USP47: variants seen among roughly 807,000 people sequenced by gnomAD.
USP47 encodes the protein ubiquitin carboxyl-terminal hydrolase 47.
USP47 carries 35 observed loss-of-function variants against 165.1 expected under a neutral mutation model. That is an observed-to-expected ratio of 0.21 (90% confidence interval 0.16 to 0.28). USP47 has a LOEUF of 0.28. Ranked by LOEUF, USP47 falls within the 10% of genes least tolerant of loss-of-function variation. USP47 has a pLI of 1.00. For missense variants in USP47, 1,277 were observed against 1,607.4 expected (o/e 0.79, Z 3.52); for synonymous variants, 531 against 544.5 (o/e 0.98, Z 0.35).
At chr11:11,887,605 A>G (rs1341672786) in intron 3 of USP47, among the ~76,000 whole-genome samples, 1 of 152,220 alleles carries the variant, frequency 6.6e-6, no homozygotes, top group Non-Finnish European at 1.5e-5. Context: ...AAAGAGACTT[A>G]CACTCCCACA....
chr11:11,938,453 GATAC>G, intron 18 of USP47, 81 bp downstream of exon 18: 2 of 1,006,996 alleles, frequency 2.0e-6, no homozygotes, highest in Non-Finnish European at 3.0e-6. Context: ...TTATGAATAA[GATAC>G]ATGCTTTACC....
chr11:11,891,031 T>C (rs1333102551), intron 3 of USP47, among the ~76,000 whole-genome samples: 1 of 152,052 alleles, frequency 6.6e-6, no homozygotes, highest in Non-Finnish European at 1.5e-5. Context: ...TTAGGAAGAA[T>C]AGCTAAGGGA....
intron 1 of USP47, among the ~76,000 whole-genome samples, chr11:11,852,147 A>G (rs1004576341): frequency 6.6e-6 from 1 of 152,186 alleles, no homozygotes; most frequent in African/African-American, 2.4e-5. Context: ...ATTTCCCCCT[A>G]AATTTCTGCC....
intron 3 of USP47, among the ~76,000 whole-genome samples, chr11:11,889,366 C>G (rs545763136): frequency 1.3e-5 from 2 of 152,136 alleles, no homozygotes; most frequent in Non-Finnish European, 2.9e-5. Context: ...AGCAAAGTCT[C>G]AGGATACAAA....
At chr11:11,918,694 AT>A (rs1432378049) in intron 8 of USP47, among the ~76,000 whole-genome samples, 1 of 151,816 alleles carries the variant, frequency 6.6e-6, no homozygotes, top group South Asian at 2.1e-4. Flanking sequence ...CCAAGTTTTA[AT>A]TTTTTTTAAA....
chr11:11,914,761 A>G (rs1363248967), intron 8 of USP47, among the ~76,000 whole-genome samples: 2 of 152,220 alleles, frequency 1.3e-5, no homozygotes, highest in Non-Finnish European at 2.9e-5. Flanking sequence ...AAGATACTCA[A>G]CATTGCTGGC....
At chr11:11,910,659 C>T (rs1480910843) in intron 8 of USP47, among the ~76,000 whole-genome samples, 1 of 152,060 alleles carries the variant, frequency 6.6e-6, no homozygotes, top group Non-Finnish European at 1.5e-5. Flanking sequence ...GAATTCCTTT[C>T]CCTGCGCAGC....
At chr11:11,903,200 C>A in intron 6 of USP47, 63 bp from the exon 7 acceptor site, 4 of 1,491,160 alleles carry the variant, frequency 2.7e-6, no homozygotes, top group Non-Finnish European at 3.7e-6. Context: ...TGCTTTTAAA[C>A]AACAGATTGT....
chr11:11,847,380 A>G (rs1307494652), intron 1 of USP47, among the ~76,000 whole-genome samples: 1 of 151,542 alleles, frequency 6.6e-6, no homozygotes, highest in East Asian at 1.9e-4. Context: ...TCAACCTTTG[A>G]TTGTGATTTA....
chr11:11,956,203 G>T lies in USP47; in HGVS notation c.*28G>T. The T allele has an allele frequency of 6.2e-7, 1 of 1,611,372 alleles. No homozygotes were observed. The highest frequency in any genetic ancestry group is 8.5e-7 in the Non-Finnish European group (1 of 1,179,124). Reference sequence around the variant, plus strand: ...CTGATAGTGTAGCATTTTCCCTGGGGGAGTTTTGGTTTTAATTAGATGGTT... The same window carrying T: ...CTGATAGTGTAGCATTTTCCCTGGGTGAGTTTTGGTTTTAATTAGATGGTT... On this transcript the variant is annotated 3_prime_UTR_variant, in exon 28 of 28. Coordinates refer to ENST00000527733, the MANE Select transcript of USP47 (RefSeq NM_001282659.2).
intron 8 of USP47, among the ~76,000 whole-genome samples, chr11:11,911,026 T>A (rs1178215537): frequency 1.3e-5 from 2 of 152,030 alleles, no homozygotes; most frequent in Non-Finnish European, 2.9e-5. Context: ...TTTTAGGGAA[T>A]CAGTTAGAGA....
chr11:11,856,547 A>G (rs1849050951), intron 1 of USP47: 1 of 152,320 alleles, frequency 6.6e-6, no homozygotes, highest in East Asian at 1.9e-4. Flanking sequence ...TGATATGGAT[A>G]AAACAAAGGT....
In USP47 at chr11:11,877,848, T is replaced by C. The variant is rs1365189021; in HGVS notation, c.40-2329T>C. Among the ~76,000 whole-genome samples, 473 of 84,454 alleles carry C rather than the reference T, an allele frequency of 5.6e-3. 6 individuals carry two copies. The highest frequency in any genetic ancestry group is 0.022 in the African/African-American group (433 of 19,870). The allele number at this position is 84,454 out of a possible 152,430, so 55.4% of individuals were successfully genotyped here. A position where few individuals can be genotyped will look rare whatever the true frequency, so the allele number is the denominator to read the frequency against. On this transcript the variant is annotated intron_variant, in intron 1 of 27. Transcript: ENST00000527733. ...GTGTGTGTGTGTGTGTGTGTGTGTG[T>C]GTGTGTGTGTGCGCGCGCGCAGATA...
rs370260680 is a variant in USP47 at position 11,933,964 on chromosome 11, C to T, written c.1869+29C>T. 2.0e-4 allele frequency: 288 copies of T among 1,476,148 alleles called. 1 individual carries two copies. Among genetic ancestry groups the T allele is most frequent in the Non-Finnish European group, 2.6e-4 (278 of 1,060,574 alleles). 91.4% of individuals were successfully genotyped at this position (1,476,148 alleles called of 1,614,324 possible). A position where few individuals can be genotyped will look rare whatever the true frequency, so the allele number is the denominator to read the frequency against. On this transcript the variant is annotated intron_variant, in intron 16 of 27. Coordinates refer to ENST00000527733, the MANE Select transcript of USP47 (RefSeq NM_001282659.2). ...TGTTTAATTGCATCATTGGCATTTA[C>T]TTACTAATACAACAGTATTAACATA... is the stretch of plus-strand genomic sequence containing the variant.
Position 11,929,362 on chromosome 11 carries a change from G to A in USP47, c.1387-72G>A. 4.5e-6 allele frequency: 7 copies of A among 1,556,752 alleles called. No homozygotes were observed. In the South Asian group the frequency reaches 8.6e-5, roughly 19 times the overall value. On this transcript the variant is annotated intron_variant, in intron 11 of 27. Transcript: ENST00000527733. ...CATGTTACTTCTCTGTGTGTTAACA[G>A]AGAATAGGAAATACACAAATAAGGG...
At chr11:11,853,093 T>C (rs1303557814) in intron 1 of USP47, among the ~76,000 whole-genome samples, 2 of 152,008 alleles carry the variant, frequency 1.3e-5, no homozygotes, top group East Asian at 3.9e-4. Context: ...GCCCAGATAC[T>C]GTAATTTTTT....
At chr11:11,929,321 A>G in intron 11 of USP47, 113 bp from the exon 12 acceptor site, 1 of 1,420,580 alleles carries the variant, frequency 7.0e-7, no homozygotes, top group Non-Finnish European at 9.4e-7. Context: ...GACCTGTAAT[A>G]TATAGGACAA....
At chr11:11,847,135 A>G (rs527339730) in intron 1 of USP47, among the ~76,000 whole-genome samples, 2 of 152,306 alleles carry the variant, frequency 1.3e-5, no homozygotes, top group South Asian at 4.1e-4. Context: ...GGAATACACT[A>G]AAATATTAAG....
At chr11:11,942,124 C>T (rs994645635) in intron 19 of USP47, among the ~76,000 whole-genome samples, 1 of 152,038 alleles carries the variant, frequency 6.6e-6, no homozygotes, top group Admixed American at 6.6e-5. Context: ...TACCGTCTAT[C>T]TTAGTGTAGT....
Sources: allele counts gnomAD v4.1 joint callset (sites outside exome capture counted in the v4.1 genomes callset), GRCh38; gene constraint gnomAD v4.1.1; transcripts MANE v1.5; gene names NCBI Gene and HGNC (gene_info 2026-07-23, HGNC 2026-07-21).